KIT: variants seen among roughly 807,000 people sequenced by gnomAD.
KIT encodes mast/stem cell growth factor receptor Kit.
In KIT, 16 loss-of-function variants were observed where a neutral mutation model predicts 105.7. The ratio of observed to expected loss-of-function variants is 0.15; its 90% CI spans 0.10 to 0.23. The LOEUF is 0.23. Among genes scored for constraint, KIT ranks in the 10% least tolerant of loss-of-function variants. The probability of loss-of-function intolerance (pLI) is 1.00; values close to 1 mark genes in which losing one functional copy is unlikely to be tolerated. For synonymous variants in KIT, 438 were observed against 441.1 expected, an observed-to-expected ratio of 0.99 and a Z score of 0.09; for missense variants, 858 against 1,213.8, an observed-to-expected ratio of 0.71 and a Z score of 4.36.
intron 7 of KIT, among the ~76,000 whole-genome samples, chr4:54,717,003 C>T (rs969103143): frequency 1.3e-5 from 2 of 152,138 alleles, no homozygotes; most frequent in Non-Finnish European, 2.9e-5. Context: ...AATATGTGTT[C>T]ATTTGAGATA....
intron 5 of KIT, among the ~76,000 whole-genome samples, chr4:54,705,137 A>G (rs928851212): frequency 6.6e-6 from 1 of 152,366 alleles, no homozygotes; most frequent in Admixed American, 6.5e-5. Context: ...GAGCATGTTG[A>G]TATATCAGCT....
At position 54,740,361 on chromosome 4, in the gene KIT, A is replaced by T. The variant is rs1224064396; in HGVS notation, c.*1804A>T. On this transcript the variant is annotated 3_prime_UTR_variant, in exon 21 of 21. Coordinates refer to ENST00000288135, the MANE Select transcript of KIT (RefSeq NM_000222.3). ...ATAGTAAGAAAAGTGGTTGTTAGTT[A>T]TAGATGTCTAGGTACTTCAGGGGCA... The T allele has an allele frequency of 8.6e-6, 2 of 233,436 alleles. No individual in the cohort carries two copies. The highest frequency in any genetic ancestry group is 5.6e-5 in the Admixed American group (1 of 17,788). 14.5% of individuals were successfully genotyped at this position (233,436 alleles called of 1,614,324 possible). A position where few individuals can be genotyped will look rare whatever the true frequency, so the allele number is the denominator to read the frequency against.
intron 4 of KIT, 45 bp from the exon 5 acceptor site, chr4:54,703,679 A>T: frequency 6.0e-6 from 9 of 1,489,400 alleles, no homozygotes; most frequent in Non-Finnish European, 8.4e-6. Flanking sequence ...AATATAAATT[A>T]TATGGTAATC....
chr4:54,692,535 T>A (rs879688448), intron 1 of KIT, among the ~76,000 whole-genome samples: 2 of 152,248 alleles, frequency 1.3e-5, no homozygotes, highest in Admixed American at 1.3e-4. Flanking sequence ...AAAATGGAAT[T>A]GATTGAAATA....
At chr4:54,708,144 G>A (rs1720908599) in intron 6 of KIT, among the ~76,000 whole-genome samples, 1 of 152,192 alleles carries the variant, frequency 6.6e-6, no homozygotes, top group African/African-American at 2.4e-5. Flanking sequence ...TTTAGGTTGG[G>A]TGGTGAGAGA....
chr4:54,678,290 CTCCTTCCTTCCTTCCTTCCTTCCT>C (rs55800200), intron 1 of KIT, among the ~76,000 whole-genome samples: 1,142 of 101,624 alleles, frequency 0.011, 30 homozygotes, highest in African/African-American at 0.04. Flanking sequence ...GGCTGGCTCG[CTCCTTCCTTCCTTCCTTCCTTCCT>C]TCCTTCCTTC....
intron 1 of KIT, among the ~76,000 whole-genome samples, chr4:54,675,423 G>A (rs1718399997): frequency 6.6e-6 from 1 of 152,192 alleles, no homozygotes; most frequent in Non-Finnish European, 1.5e-5. Context: ...CAGGCTTAAT[G>A]TATTGCTCTA....
intron 1 of KIT, among the ~76,000 whole-genome samples, chr4:54,690,680 A>G (rs1719648654): frequency 6.6e-6 from 1 of 152,258 alleles, no homozygotes; most frequent in African/African-American, 2.4e-5. Context: ...ACACAATTCA[A>G]CAAACATTTG....
Position 54,714,424 on chromosome 4 carries a change from A to G in KIT, c.1231+4885A>G, listed in dbSNP as rs139996709. On this transcript the variant is annotated intron_variant, in intron 7 of 20. Transcript: ENST00000288135. The stretch of plus-strand genomic sequence containing the variant: ...GCCAAATATGCACTTTAATCCTAAT[A>G]TATCCATTTGGCTTTTTTCCCCACT... 8.6e-3 allele frequency among the ~76,000 whole-genome samples: 1,309 copies of G among 152,132 alleles called. 11 individuals carry two copies. Among genetic ancestry groups the G allele is most frequent in the Non-Finnish European group, 0.014 (958 of 67,996 alleles).
chr4:54,729,775 C>T (rs1722477169), intron 14 of KIT, among the ~76,000 whole-genome samples: 1 of 152,262 alleles, frequency 6.6e-6, no homozygotes. Flanking sequence ...ACGGTTCTGT[C>T]CTGCATGTAT....
intron 1 of KIT, among the ~76,000 whole-genome samples, chr4:54,694,669 G>A (rs1185008191): frequency 1.3e-5 from 2 of 152,132 alleles, no homozygotes; most frequent in African/African-American, 2.4e-5. Flanking sequence ...CGTGAGCCAC[G>A]GCACCTGGCC....
At position 54,658,029 on chromosome 4, in the gene KIT, C is replaced by G. The variant is rs1357038342; in HGVS notation, c.15C>G (p.Arg5=). 20 of 1,613,780 alleles carry G rather than the reference C, an allele frequency of 1.2e-5. No homozygotes were observed. The highest frequency in any genetic ancestry group is 1.7e-5 in the Non-Finnish European group (20 of 1,179,880). ...CAGCTACCGCGATGAGAGGCGCTCG[C>G]GGCGCCTGGGATTTTCTCTGCGTTC... is the stretch of plus-strand genomic sequence containing the variant. MRGA[R]GAWDFLCVLL... Residue 5 remains arginine (R), a synonymous_variant, in exon 1 of 21, where the codon CGC becomes CGG. Coordinates refer to ENST00000288135, the MANE Select transcript of KIT (RefSeq NM_000222.3).
At chr4:54,662,676 G>T (rs534785905) in intron 1 of KIT, among the ~76,000 whole-genome samples, 6 of 152,038 alleles carry the variant, frequency 3.9e-5, no homozygotes, top group Non-Finnish European at 7.4e-5. Flanking sequence ...GGGTTCAAGC[G>T]ATTCTCCTGC....
intron 7 of KIT, among the ~76,000 whole-genome samples, chr4:54,721,135 C>T (rs1315566696): frequency 2.0e-5 from 3 of 152,132 alleles, no homozygotes; most frequent in South Asian, 2.1e-4. Flanking sequence ...AGTAAGATGT[C>T]GTTTCTGCCC....
rs1235278829 is a variant in KIT, at chr4:54,727,504, A to T, written c.1736A>T (p.Asp579Val). 2 of 1,614,138 alleles carry T rather than the reference A, an allele frequency of 1.2e-6. No homozygotes were observed. Among genetic ancestry groups the T allele is most frequent in the Non-Finnish European group, 1.7e-6 (2 of 1,179,988 alleles). Residue 579 changes from aspartate (D) to valine (V), a missense_variant, in exon 11 of 21, where the codon GAT (aspartate) becomes GTT (valine). Asp to Val is a radical substitution (Grantham distance 152, BLOSUM62 -3). Around this residue, in one of 7 missense-constraint regions of KIT, gnomAD observed 78 missense variants for 77.6 expected, o/e 1.01. Coordinates refer to ENST00000288135, the MANE Select transcript of KIT (RefSeq NM_000222.3). ...ATAGACCCAACACAACTTCCTTATG[A>T]TCACAAATGGGAGTTTCCCAGAAAC... ...VYIDPTQLPYDHKWEFPRNRL... is the reference protein window; with the variant it reads ...VYIDPTQLPYVHKWEFPRNRL...
At chr4:54,673,595 C>T (rs899710153) in intron 1 of KIT, among the ~76,000 whole-genome samples, 1 of 152,126 alleles carries the variant, frequency 6.6e-6, no homozygotes, top group Non-Finnish European at 1.5e-5. Flanking sequence ...TCTCTTGGCT[C>T]CTTCTGAAAT....
chr4:54,715,261 C>G (rs1721406757), intron 7 of KIT, among the ~76,000 whole-genome samples: 1 of 151,454 alleles, frequency 6.6e-6, no homozygotes, highest in Admixed American at 6.6e-5. Flanking sequence ...GATGGTGGAA[C>G]CAATTCTAGG....
intron 1 of KIT, among the ~76,000 whole-genome samples, chr4:54,665,014 G>A (rs1300517492): frequency 1.9e-4 from 29 of 151,744 alleles, no homozygotes; most frequent in Admixed American, 1.8e-3. Context: ...TTGCAAAACT[G>A]AAATTCTATA....
intron 1 of KIT, among the ~76,000 whole-genome samples, chr4:54,681,412 A>G (rs1454065112): frequency 6.6e-6 from 1 of 151,784 alleles, no homozygotes. Flanking sequence ...ACCTTATCCA[A>G]CTCCCCAAAG....
Sources: gnomAD v4.1 joint callset for allele counts (sites outside exome capture counted in the v4.1 genomes callset) on GRCh38, gnomAD v4.1.1 for gene constraint, gnomAD v4.1.1 regional missense constraint, MANE v1.5 for transcripts, NCBI Gene and HGNC (gene_info 2026-07-23, HGNC 2026-07-21) for gene names.